Variants in CCDC125 observed in about 807,000 individuals in gnomAD.
The protein encoded by CCDC125 is coiled-coil domain containing 125.
In CCDC125, 43 loss-of-function variants were observed where a neutral mutation model predicts 57.4. The observed-to-expected ratio is 0.75, with a 90% CI of 0.59 to 0.97. The LOEUF (loss-of-function observed/expected upper bound fraction) is 0.97, where lower values mean the gene tolerates loss of function less well. Ranked by LOEUF, CCDC125 falls within the 50% of genes least tolerant of loss-of-function variation. The pLI is 0.00. For synonymous variants in CCDC125, 187 were observed against 195.2 expected (o/e 0.96, Z 0.35); for missense variants, 563 against 595.7 (o/e 0.95, Z 0.57).
At chr5:69,301,919 T>A (rs974817324) in intron 7 of CCDC125, among the ~76,000 whole-genome samples, 2 of 148,828 alleles carry the variant, frequency 1.3e-5, no homozygotes, top group African/African-American at 4.9e-5. Flanking sequence ...ATAATAATAA[T>A]AATATATTTT....
intron 2 of CCDC125, among the ~76,000 whole-genome samples, chr5:69,315,872 C>T (rs28493733): frequency 0.94 from 140,737 of 149,050 alleles, 66,690 homozygotes; most frequent in East Asian, 1. Context: ...ATGTGATCAA[C>T]TGAGAATTTA....
chr5:69,282,863 C>T lies in CCDC125; in HGVS notation c.1402G>A (p.Gly468Ser). Residue 468 changes from glycine (G) to serine (S), a missense_variant, in exon 12 of 12, where the codon GGT (glycine) becomes AGT (serine). Transcript: ENST00000396496. Reference protein sequence around the residue: ...WRKTSEFSVLGDPIHSSVCIL... With the variant: ...WRKTSEFSVLSDPIHSSVCIL... ...CAGACACTTGAATGTATAGGATCAC[C>T]CAAAACAGAGAATTCTGAAGTCTTA... 1 of 1,614,036 alleles carries T rather than the reference C, an allele frequency of 6.2e-7. No homozygotes were observed. Among genetic ancestry groups the T allele is most frequent in the African/African-American group, 1.3e-5 (1 of 75,026 alleles).
intron 1 of CCDC125, chr5:69,323,676 C>T (rs1479385907): frequency 1.2e-4 from 19 of 152,172 alleles, no homozygotes; most frequent in Admixed American, 1.2e-3. Context: ...TAGCAGGACT[C>T]CACAGCAGAT....
intron 1 of CCDC125, among the ~76,000 whole-genome samples, chr5:69,329,851 A>G: frequency 6.6e-6 from 1 of 152,248 alleles, no homozygotes; most frequent in East Asian, 1.9e-4. Context: ...ACTTGCCCCA[A>G]ATACAATGGT....
At position 69,315,627 on chromosome 5, in the gene CCDC125, G is replaced by A. The variant is rs528771424; in HGVS notation, c.305-1581C>T. ...ACAAAAATTAGCCGGGCATGGTGGC[G>A]GGCGCCTGTAATCCCTGCTACTCAG... On this transcript the variant is annotated intron_variant, in intron 2 of 11. Coordinates refer to ENST00000396496, the MANE Select transcript of CCDC125 (RefSeq NM_176816.5). Among the ~76,000 whole-genome samples, 14 of 150,962 alleles carry A rather than the reference G, an allele frequency of 9.3e-5. No individual in the cohort carries two copies. In the South Asian group the frequency reaches 1.3e-3, roughly 14 times the overall value.
At chr5:69,286,141 C>T (rs1174077053) in intron 10 of CCDC125, among the ~76,000 whole-genome samples, 3 of 134,054 alleles carry the variant, frequency 2.2e-5, no homozygotes, top group African/African-American at 8.5e-5. Flanking sequence ...GGTTACATTA[C>T]AATGTGAATA....
intron 2 of CCDC125, among the ~76,000 whole-genome samples, chr5:69,315,930 T>TAA (rs34485198): frequency 1.3e-4 from 15 of 118,080 alleles, no homozygotes; most frequent in African/African-American, 3.8e-4. Flanking sequence ...TCAACGGCAG[T>TAA]AAAAAAAAAA....
At chr5:69,308,342 T>C in intron 4 of CCDC125, 1 of 353,406 alleles carries the variant, frequency 2.8e-6, no homozygotes, top group Non-Finnish European at 5.3e-6. Context: ...CCAAATCTCA[T>C]TTTGAATTGT....
rs144303024 is a variant in CCDC125 at position 69,302,103 on chromosome 5, CAAAT to C, written c.700+1740_700+1743del. On this transcript the variant is annotated intron_variant, in intron 7 of 11. Transcript: ENST00000396496. The stretch of plus-strand genomic sequence containing the variant: ...GTGTGAAAATAAATAAATAAATAAA[CAAAT>C]AAATAAATAAAATATGTAAAAAGTT... 3.7e-3 allele frequency among the ~76,000 whole-genome samples: 559 copies of C among 151,028 alleles called. 5 individuals are homozygous for C. The highest frequency in any genetic ancestry group is 0.013 in the African/African-American group (543 of 41,184).
intron 10 of CCDC125, among the ~76,000 whole-genome samples, chr5:69,291,051 C>G (rs1561414524): frequency 6.6e-6 from 1 of 152,144 alleles, no homozygotes; most frequent in Non-Finnish European, 1.5e-5. Flanking sequence ...AATTATAGAT[C>G]TGACAGATAA....
At chr5:69,283,761 T>TA (rs1271393983) in intron 11 of CCDC125, among the ~76,000 whole-genome samples, 2 of 151,586 alleles carry the variant, frequency 1.3e-5, no homozygotes, top group African/African-American at 4.9e-5. Context: ...GTGCTGGAAT[T>TA]ACAGATGTGT....
At chr5:69,276,981 T>C (rs1752217808), downstream of CCDC125, 1 of 793,144 alleles carries the variant, frequency 1.3e-6, no homozygotes, top group Admixed American at 2.8e-5. Flanking sequence ...TAACAAGTGC[T>C]ACTGGAAAAA....
intron 1 of CCDC125, among the ~76,000 whole-genome samples, chr5:69,320,786 GGT>G (rs145801965): frequency 9.9e-4 from 146 of 147,764 alleles, no homozygotes; most frequent in East Asian, 2.0e-3. Context: ...TATGGTGTGG[GGT>G]GTGTGTGTGT....
At chr5:69,328,322 G>A (rs1760982706) in intron 1 of CCDC125, among the ~76,000 whole-genome samples, 1 of 151,956 alleles carries the variant, frequency 6.6e-6, no homozygotes, top group African/African-American at 2.4e-5. Context: ...AATAAAATAT[G>A]TTGAACAATA....
chr5:69,283,243 G>A (rs564825750), intron 11 of CCDC125, among the ~76,000 whole-genome samples: 5 of 140,256 alleles, frequency 3.6e-5, no homozygotes, highest in East Asian at 2.1e-4. Context: ...TTTTTGAGAC[G>A]GAGTCTGGCT....
chr5:69,302,655 G>A (rs899915720), intron 7 of CCDC125, among the ~76,000 whole-genome samples: 3 of 151,638 alleles, frequency 2.0e-5, no homozygotes, highest in African/African-American at 7.3e-5. Flanking sequence ...AACCCAGGAG[G>A]CGGAGGTTGC....
intron 2 of CCDC125, 89 bp downstream of exon 2, chr5:69,320,148 A>G (rs1420231244): frequency 1.6e-6 from 2 of 1,226,046 alleles, no homozygotes. Context: ...CTAAAATCCA[A>G]TATGGTTATT....
chr5:69,323,747 C>T (rs1329798945), intron 1 of CCDC125: 1 of 152,176 alleles, frequency 6.6e-6, no homozygotes, highest in Non-Finnish European at 1.5e-5. Context: ...AAAATGCCTA[C>T]AGATCAACTA....
intron 5 of CCDC125, chr5:69,307,717 C>A: frequency 8.0e-6 from 4 of 500,238 alleles, no homozygotes; most frequent in East Asian, 3.2e-5. Context: ...TGAGAAGTAC[C>A]AATTTGGCAG....
Sources: gnomAD v4.1 joint callset for allele counts (sites outside exome capture counted in the v4.1 genomes callset) on GRCh38, gnomAD v4.1.1 for gene constraint, MANE v1.5 for transcripts, NCBI Gene and HGNC (gene_info 2026-07-23, HGNC 2026-07-21) for gene names.